The following CEP43 variants were observed in gnomAD, a reference collection of about 807,000 sequenced individuals.
The protein encoded by CEP43 is FGFR1 oncogene partner.
Under a neutral mutation model 52.6 loss-of-function variants are expected in CEP43, and 36 were observed. That is an observed-to-expected ratio of 0.68 (90% CI 0.52 to 0.90). The LOEUF (loss-of-function observed/expected upper bound fraction) is 0.90. CEP43 is among the 40% of genes least tolerant of loss of function. The probability of loss-of-function intolerance (pLI) is 0.00; values close to 1 mark genes in which losing one functional copy is unlikely to be tolerated. For synonymous variants in CEP43, 192 were observed against 172.4 expected, an observed-to-expected ratio of 1.11 and a Z score of -0.89; for missense variants, 506 against 472.8, an observed-to-expected ratio of 1.07 and a Z score of -0.65.
At position 167,033,858 on chromosome 6, in the gene CEP43, TCC is replaced by T; in HGVS notation, c.1029-14_1029-13del. 1 of 1,297,112 alleles carries T rather than the reference TCC, an allele frequency of 7.7e-7. No individual in the cohort carries two copies. The highest frequency in any genetic ancestry group is 1.5e-5 in the African/African-American group (1 of 67,400). The allele number at this position is 1,297,112 out of a possible 1,614,324, so 80.4% of individuals were successfully genotyped here. A position where few individuals can be genotyped will look rare whatever the true frequency, so the allele number is the denominator to read the frequency against. ...TATTTTCAGAGTTCTTATTTTTTTT[TCC>T]CCTTCTGAAATTAGTACCAGCCATC... On this transcript the variant is annotated splice_polypyrimidine_tract_variant and intron_variant, in intron 11 of 12. Coordinates refer to ENST00000366847, the MANE Select transcript of CEP43 (RefSeq NM_007045.4).
intron 1 of CEP43, 118 bp from the exon 2 acceptor site, chr6:166,999,942 C>T: frequency 1.9e-5 from 15 of 804,256 alleles, no homozygotes; most frequent in Non-Finnish European, 2.9e-5. Flanking sequence ...GCGTTTCTGA[C>T]CTTTGCACCT....
chr6:167,050,224 G>C lies in CEP43; in HGVS notation c.*10246G>C, dbSNP rs1780851354. ...CATTTCCCCTGCTTGCACTCAGGCT[G>C]TCCTGCCACACTGTGAAGAAGGTGC... On this transcript the variant is annotated 3_prime_UTR_variant, in exon 13 of 13. Coordinates refer to ENST00000366847, the MANE Select transcript of CEP43 (RefSeq NM_007045.4). 6.5e-6 allele frequency: 1 copy of C among 152,842 alleles called. No individual in the cohort carries two copies. The allele number at this position is 152,842 out of a possible 1,614,324, so 9.5% of individuals were successfully genotyped here.
At chr6:167,027,061 T>C (rs1463668074) in intron 10 of CEP43, among the ~76,000 whole-genome samples, 2 of 152,236 alleles carry the variant, frequency 1.3e-5, no homozygotes, top group Admixed American at 6.5e-5. Context: ...TGAGAAAAAT[T>C]TGGGCAGAGG....
chr6:167,015,944 C>T (rs541906529), intron 7 of CEP43, among the ~76,000 whole-genome samples: 4 of 151,910 alleles, frequency 2.6e-5, no homozygotes, highest in African/African-American at 9.7e-5. Context: ...AATGAGAGGG[C>T]ATTTTAAAAA....
chr6:167,007,816 C>G (rs1779888993), intron 5 of CEP43, among the ~76,000 whole-genome samples: 1 of 152,298 alleles, frequency 6.6e-6, no homozygotes, highest in East Asian at 1.9e-4. Flanking sequence ...ATTGGATGCT[C>G]CCAAGCCGTA....
At position 166,999,447 on chromosome 6, in the gene CEP43, A is replaced by T; in HGVS notation, c.35A>T (p.Glu12Val). 1 of 1,481,128 alleles carries T rather than the reference A, an allele frequency of 6.8e-7. No homozygotes were observed. The highest frequency in any genetic ancestry group is 9.0e-7 in the Non-Finnish European group (1 of 1,113,212). 91.7% of individuals were successfully genotyped at this position (1,481,128 alleles called of 1,614,324 possible). Residue 12 changes from glutamate to valine, a missense_variant, in exon 1 of 13, where the codon GAG (glutamate) becomes GTG (valine). Coordinates refer to ENST00000366847, the MANE Select transcript of CEP43 (RefSeq NM_007045.4). ...AATAAAVVAEEDTELRDLLVQ... is the reference protein window; with the variant it reads ...AATAAAVVAEVDTELRDLLVQ... ...ACGGCGGCCGCAGTGGTGGCCGAGG[A>T]GGACACGGAGCTGCGGGACCTGCTG...
intron 12 of CEP43, among the ~76,000 whole-genome samples, chr6:167,035,570 TG>T (rs1337876559): frequency 9.0e-4 from 136 of 150,302 alleles, no homozygotes; most frequent in African/African-American, 3.2e-3. Flanking sequence ...AACTTTTTTT[TG>T]TTTTTTTTTT....
Position 167,040,207 on chromosome 6 carries a change from T to C in CEP43, c.*229T>C. ...TATTCTTAATTTAACTGTACATTTC[T>C]TTATGGAAATTGATTATCTACACTC... On this transcript the variant is annotated 3_prime_UTR_variant, in exon 13 of 13. Coordinates refer to ENST00000366847, the MANE Select transcript of CEP43 (RefSeq NM_007045.4). 1 of 1,526,660 alleles carries C rather than the reference T, an allele frequency of 6.6e-7. No individual in the cohort carries two copies. The allele number at this position is 1,526,660 out of a possible 1,614,324, so 94.6% of individuals were successfully genotyped here.
rs1780804506 is a variant in CEP43 at position 167,046,661 on chromosome 6, G to A, written c.*6683G>A. The A allele has an allele frequency of 6.6e-6, 1 of 152,330 alleles. No individual in the cohort carries two copies. Among genetic ancestry groups the A allele is most frequent in the Non-Finnish European group, 1.5e-5 (1 of 68,104 alleles). The allele number at this position is 152,330 out of a possible 1,614,324, so 9.4% of individuals were successfully genotyped here. A position where few individuals can be genotyped will look rare whatever the true frequency, so the allele number is the denominator to read the frequency against. Reference sequence around the variant, plus strand: ...TGATGTGCCACCACATCCCTTTTCAGTGAAGGGCTTTGTTGGCTGCTGTGG... The same window carrying A: ...TGATGTGCCACCACATCCCTTTTCAATGAAGGGCTTTGTTGGCTGCTGTGG... On this transcript the variant is annotated 3_prime_UTR_variant, in exon 13 of 13. Transcript: ENST00000366847.
At chr6:167,017,547 T>A (rs1780130902) in intron 7 of CEP43, among the ~76,000 whole-genome samples, 1 of 151,422 alleles carries the variant, frequency 6.6e-6, no homozygotes, top group Non-Finnish European at 1.5e-5. Context: ...ATAGTATTTC[T>A]TTGATATTTT....
chr6:167,026,520 A>C, intron 9 of CEP43, 27 bp from the exon 10 acceptor site: 18 of 1,395,522 alleles, frequency 1.3e-5, no homozygotes, highest in Non-Finnish European at 1.8e-5. Flanking sequence ...AAGTCACTCT[A>C]ATGTTAATAT....
At chr6:167,003,140 G>T in intron 2 of CEP43, 53 bp from the exon 3 acceptor site, 3 of 782,738 alleles carry the variant, frequency 3.8e-6, no homozygotes, top group East Asian at 2.7e-5. Flanking sequence ...TTTATATTTT[G>T]TAGTTGTTTT....
In CEP43 at chr6:167,005,529, G is replaced by A. The variant is rs954300046; in HGVS notation, c.438+1128G>A. On this transcript the variant is annotated intron_variant, in intron 5 of 12. Coordinates refer to ENST00000366847, the MANE Select transcript of CEP43 (RefSeq NM_007045.4). ...GGGCGAGGATTGGGAAGGGCTTTCC[G>A]AGAAGTTGGAACGGTGCCAGCCAAG... Among the ~76,000 whole-genome samples the A allele has an allele frequency of 2.0e-5, 3 of 152,330 alleles. No homozygotes were observed. The South Asian group carries it at 6.2e-4, about 32-fold the overall frequency.
chr6:167,037,823 A>G (rs10946205), intron 12 of CEP43, among the ~76,000 whole-genome samples: 64,648 of 152,116 alleles, frequency 0.42, 13,937 homozygotes, highest in Non-Finnish European at 0.47. Context: ...AAAAGGCCAT[A>G]TAGTGAATAT....
In CEP43 at chr6:167,016,659, T is replaced by C. The variant is rs185605584; in HGVS notation, c.579+3092T>C. ...TGTTTTTGTATCTTTGGCAGTCACC[T>C]GAGGATTTTCCAAACCAGGCGTTAC... On this transcript the variant is annotated intron_variant, in intron 7 of 12. Transcript: ENST00000366847. Among the ~76,000 whole-genome samples the C allele has an allele frequency of 4.6e-5, 7 of 152,334 alleles. No homozygotes were observed. The East Asian group carries it at 1.4e-3, about 29-fold the overall frequency.
At chr6:167,010,692 A>G in intron 5 of CEP43, 121 bp from the exon 6 acceptor site, 3 of 492,064 alleles carry the variant, frequency 6.1e-6, no homozygotes, top group South Asian at 5.1e-5. Context: ...GGTTACTTTA[A>G]TAAGAAATAA....
chr6:166,999,586 C>A lies in CEP43; in HGVS notation c.102+72C>A. ...CGTGGACAGCGGGCGTCACAACGGTCGCGGCGAGGAGGCCGCCTCCCTGGC... is the reference window on the plus strand; with the variant it reads ...CGTGGACAGCGGGCGTCACAACGGTAGCGGCGAGGAGGCCGCCTCCCTGGC... On this transcript the variant is annotated intron_variant, in intron 1 of 12. Transcript: ENST00000366847. The A allele has an allele frequency of 6.1e-6, 7 of 1,151,896 alleles. No individual in the cohort carries two copies. In the South Asian group the frequency reaches 1.1e-4, roughly 18 times the overall value. The allele number at this position is 1,151,896 out of a possible 1,614,324, so 71.4% of individuals were successfully genotyped here.
At chr6:167,014,614 A>G (rs1303174815) in intron 7 of CEP43, among the ~76,000 whole-genome samples, 1 of 152,232 alleles carries the variant, frequency 6.6e-6, no homozygotes, top group African/African-American at 2.4e-5. Context: ...GCTTTTTAAA[A>G]ATTCCACCTG....
intron 7 of CEP43, among the ~76,000 whole-genome samples, chr6:167,018,922 C>T (rs1040130011): frequency 2.0e-5 from 3 of 152,032 alleles, no homozygotes; most frequent in African/African-American, 7.2e-5. Context: ...TTGATTTATG[C>T]TTTTTTGACT....
Sources: gnomAD v4.1 joint callset for allele counts (sites outside exome capture counted in the v4.1 genomes callset) on GRCh38, gnomAD v4.1.1 for gene constraint, MANE v1.5 for transcripts, NCBI Gene and HGNC (gene_info 2026-07-23, HGNC 2026-07-21) for gene names.